The following BAZ1B variants were observed in gnomAD, a reference collection of about 807,000 sequenced individuals.
BAZ1B encodes the protein bromodomain adjacent to zinc finger domain 1B, also known as tyrosine-protein kinase BAZ1B.
A neutral mutation model predicts 153.8 loss-of-function variants in BAZ1B; 22 were observed. The observed-to-expected ratio is 0.14, with a 90% CI of 0.10 to 0.20. The LOEUF is 0.20. Among genes scored for constraint, BAZ1B ranks in the 10% least tolerant of loss-of-function variants. BAZ1B has a pLI of 1.00. For synonymous variants in BAZ1B, 676 were observed against 633.4 expected (o/e 1.07, Z -1.01); for missense variants, 1,325 against 1,799.3 (o/e 0.74, Z 4.77).
Position 73,489,291 on chromosome 7 carries a change from C to A in BAZ1B, c.794G>T (p.Gly265Val), listed in dbSNP as rs376530176. Residue 265 changes from glycine (G) to valine (V), a missense_variant, in exon 6 of 20, where the codon GGT (glycine) becomes GTT (valine). Physicochemically the swap from Gly to Val is moderately radical, Grantham distance 109. Transcript: ENST00000339594. Reference protein sequence around the residue: ...YFIRHNALRAGTGENAPWVVE... With the variant: ...YFIRHNALRAVTGENAPWVVE... ...GACCCAAGGTGCATTTTCACCAGTA[C>A]CAGCTCGTAATGCATTATGCCGTAT... 1 of 1,614,150 alleles carries A rather than the reference C, an allele frequency of 6.2e-7. No homozygotes were observed. The highest frequency in any genetic ancestry group is 8.5e-7 in the Non-Finnish European group (1 of 1,180,016).
At chr7:73,473,710 G>C (rs1394363714) in intron 7 of BAZ1B, among the ~76,000 whole-genome samples, 2 of 152,180 alleles carry the variant, frequency 1.3e-5, no homozygotes, top group Non-Finnish European at 1.5e-5. Flanking sequence ...ATTCAAGCCG[G>C]GGTTTGGTGG....
chr7:73,478,872 C>A (rs896992658), intron 6 of BAZ1B, among the ~76,000 whole-genome samples: 2 of 152,122 alleles, frequency 1.3e-5, no homozygotes, highest in Non-Finnish European at 2.9e-5. Context: ...ACCCCTCCAG[C>A]AGAAATAGTA....
intron 19 of BAZ1B, 36 bp downstream of exon 19, chr7:73,442,133 GCCTCCCTCCCAC>G: frequency 1.5e-6 from 1 of 651,890 alleles, no homozygotes; most frequent in Non-Finnish European, 2.8e-6. Context: ...TTCCTCGCTC[GCCTCCCTCCCAC>G]CCTCCCTAGC....
At chr7:73,472,954 T>A (rs1003533007) in intron 7 of BAZ1B, among the ~76,000 whole-genome samples, 16 of 151,278 alleles carry the variant, frequency 1.1e-4, no homozygotes, top group Non-Finnish European at 1.8e-4. Flanking sequence ...TTTTTTTTTT[T>A]TAAAAAAGAC....
chr7:73,474,074 A>G lies in BAZ1B; in HGVS notation c.2593+2794T>C, dbSNP rs372534635. 1.7e-4 allele frequency among the ~76,000 whole-genome samples: 26 copies of G among 152,364 alleles called. 1 individual carries two copies. The South Asian group carries it at 5.2e-3, about 30-fold the overall frequency. On this transcript the variant is annotated intron_variant, in intron 7 of 19. Transcript: ENST00000339594. The stretch of plus-strand genomic sequence containing the variant: ...GTTATCAAGACAGTGTGGCTTTTAC[A>G]TAAAGACAGACATACAGATCAGTGA...
chr7:73,459,653 T>C lies in BAZ1B; in HGVS notation c.3315A>G (p.Ile1105Met). 2 of 1,614,150 alleles carry C rather than the reference T, an allele frequency of 1.2e-6. No homozygotes were observed. The highest frequency in any genetic ancestry group is 8.5e-7 in the Non-Finnish European group (1 of 1,180,036). Reference protein sequence around the residue: ...ECVIALQASVIKKFLQGFMAP... With the variant: ...ECVIALQASVMKKFLQGFMAP... ...CCATGAAGCCTTGGAGAAATTTCTT[T>C]ATGACACTGGCCTGAAGGGCAATCA... Residue 1105 changes from isoleucine (I) to methionine (M), a missense_variant, in exon 13 of 20, where the codon ATA becomes ATG. Physicochemically the swap from Ile to Met is conservative, Grantham distance 10 (BLOSUM62 1). Around this residue, in one of 9 missense-constraint regions of BAZ1B, gnomAD observed 431 missense variants for 563.5 expected, o/e 0.76. Coordinates refer to ENST00000339594, the MANE Select transcript of BAZ1B (RefSeq NM_032408.4).
intron 4 of BAZ1B, among the ~76,000 whole-genome samples, chr7:73,498,229 G>A (rs1002732615): frequency 3.9e-4 from 59 of 152,012 alleles, no homozygotes; most frequent in African/African-American, 1.4e-3. Flanking sequence ...CAAAGTGCTG[G>A]GATTACAGGC....
chr7:73,475,966 G>C (rs1201220431), intron 7 of BAZ1B, among the ~76,000 whole-genome samples: 1 of 151,802 alleles, frequency 6.6e-6, no homozygotes, highest in Non-Finnish European at 1.5e-5. Flanking sequence ...AATAGAGGTG[G>C]TCTATTTTGT....
At chr7:73,490,977 T>C (rs1467720181) in intron 5 of BAZ1B, among the ~76,000 whole-genome samples, 6 of 151,194 alleles carry the variant, frequency 4.0e-5, no homozygotes, top group Non-Finnish European at 8.8e-5. Context: ...TATTTAACAA[T>C]ATCCAATATT....
intron 13 of BAZ1B, among the ~76,000 whole-genome samples, chr7:73,457,090 G>A (rs1788234377): frequency 6.6e-6 from 1 of 150,974 alleles, no homozygotes; most frequent in Non-Finnish European, 1.5e-5. Flanking sequence ...GTTAAACACT[G>A]AATTACCATA....
chr7:73,478,352 A>C lies in BAZ1B; in HGVS notation c.1109T>G (p.Met370Arg). ...CAGCTTATTGGGCGACATCATCTTCATCATTTCTTCTAGATGTTCTTCAGG... is the reference window on the plus strand; with the variant it reads ...CAGCTTATTGGGCGACATCATCTTCCTCATTTCTTCTAGATGTTCTTCAGG... ...KSPEEHLEEM[M>R]KMMSPNKLHT... The change falls in exon 7 of 20, where the codon ATG becomes AGG. Residue 370 changes from methionine to arginine, a missense_variant. Physicochemically the swap from Met to Arg is moderately conservative, Grantham distance 91. Transcript: ENST00000339594. The C allele has an allele frequency of 6.2e-7, 1 of 1,612,502 alleles. No homozygotes were observed.
At position 73,449,559 on chromosome 7, in the gene BAZ1B, C is replaced by T. The variant is rs782576967; in HGVS notation, c.3711G>A (p.Arg1237=). 2.5e-6 allele frequency: 4 copies of T among 1,612,524 alleles called. No homozygotes were observed. The South Asian group carries it at 4.4e-5, about 18-fold the overall frequency. ...QCPACQPATA[R]RNSRGRNYTE... ...ATTCTCACCTGCCACGGGAGTTGCG[C>T]CTGGCAGTAGCGGGCTGGCAAGCTG... The change falls in exon 15 of 20, where the codon AGG becomes AGA. Residue 1237 remains arginine (R), a synonymous_variant. Coordinates refer to ENST00000339594, the MANE Select transcript of BAZ1B (RefSeq NM_032408.4).
intron 11 of BAZ1B, among the ~76,000 whole-genome samples, chr7:73,463,922 G>C (rs1002117331): frequency 6.6e-6 from 1 of 152,124 alleles, no homozygotes; most frequent in South Asian, 2.1e-4. Context: ...TGGCCAGGCT[G>C]GTCTCGAACT....
At chr7:73,471,395 T>C (rs1554571978) in intron 7 of BAZ1B, among the ~76,000 whole-genome samples, 3 of 152,226 alleles carry the variant, frequency 2.0e-5, no homozygotes, top group African/African-American at 7.2e-5. Context: ...TTTATTCAGT[T>C]AGAAATTTCC....
In BAZ1B at chr7:73,478,368, G is replaced by A; in HGVS notation, c.1093C>T (p.His365Tyr). 1 of 1,611,936 alleles carries A rather than the reference G, an allele frequency of 6.2e-7. No individual in the cohort carries two copies. Among genetic ancestry groups the A allele is most frequent in the Non-Finnish European group, 8.5e-7 (1 of 1,179,458 alleles). ...NSKNSKSPEEHLEEMMKMMSP... is the reference protein window; with the variant it reads ...NSKNSKSPEEYLEEMMKMMSP... The stretch of plus-strand genomic sequence containing the variant: ...ATCATCTTCATCATTTCTTCTAGAT[G>A]TTCTTCAGGAGATTTGGAATTCTTT... Residue 365 changes from histidine (H) to tyrosine (Y), a missense_variant, in exon 7 of 20, where the codon CAT becomes TAT. Around this residue, in one of 9 missense-constraint regions of BAZ1B, gnomAD observed 219 missense variants for 248.2 expected, o/e 0.88. Coordinates refer to ENST00000339594, the MANE Select transcript of BAZ1B (RefSeq NM_032408.4).
intron 3 of BAZ1B, among the ~76,000 whole-genome samples, chr7:73,506,607 T>A (rs76405245): frequency 6.6e-6 from 1 of 151,518 alleles, no homozygotes; most frequent in African/African-American, 2.4e-5. Context: ...TAATCCCAAC[T>A]CTGGGAGGCT....
chr7:73,492,156 C>A (rs942942312), intron 5 of BAZ1B, among the ~76,000 whole-genome samples: 2 of 151,268 alleles, frequency 1.3e-5, no homozygotes, highest in East Asian at 1.9e-4. Flanking sequence ...CCACACCTGG[C>A]AAATTTTTTT....
chr7:73,466,151 A>G, intron 10 of BAZ1B, 145 bp downstream of exon 10: 1 of 594,570 alleles, frequency 1.7e-6, no homozygotes, highest in Non-Finnish European at 2.9e-6. Flanking sequence ...CTGCTAATGC[A>G]AGAAGTTTTG....
chr7:73,462,745 TAAC>T (rs1788437215), intron 12 of BAZ1B, 174 bp downstream of exon 12: 3 of 669,568 alleles, frequency 4.5e-6, no homozygotes, highest in Non-Finnish European at 7.5e-6. Context: ...CAGCAAAAGA[TAAC>T]AAGGAAAAAA....
Sources: allele counts gnomAD v4.1 joint callset (sites outside exome capture counted in the v4.1 genomes callset), GRCh38; gene constraint gnomAD v4.1.1; regional missense constraint gnomAD v4.1.1; transcripts MANE v1.5; gene names NCBI Gene and HGNC (gene_info 2026-07-23, HGNC 2026-07-21).